LRCH1: variants seen among roughly 807,000 people sequenced by gnomAD.
LRCH1 encodes the protein leucine-rich repeat and calponin homology domain-containing protein 1.
LRCH1 carries 23 observed loss-of-function variants against 94.9 expected under a neutral mutation model. The observed-to-expected ratio is 0.24, with a 90% confidence interval of 0.17 to 0.34. LRCH1 has a LOEUF of 0.34. Among genes scored for constraint, LRCH1 ranks in the 10% least tolerant of loss-of-function variants. The pLI is 1.00. For synonymous variants in LRCH1, 364 were observed against 354.9 expected, an observed-to-expected ratio of 1.03 and a Z score of -0.29; for missense variants, 790 against 945.9, an observed-to-expected ratio of 0.84 and a Z score of 2.16.
chr13:46,603,473 C>T (rs918629059), intron 1 of LRCH1, among the ~76,000 whole-genome samples: 4 of 152,128 alleles, frequency 2.6e-5, no homozygotes, highest in Non-Finnish European at 5.9e-5. Flanking sequence ...GGGAGGATTC[C>T]TATGTGTCAC....
intron 1 of LRCH1, among the ~76,000 whole-genome samples, chr13:46,565,500 T>C (rs1352215385): frequency 6.6e-6 from 1 of 151,854 alleles, no homozygotes; most frequent in Non-Finnish European, 1.5e-5. Flanking sequence ...AATTCAACGG[T>C]GTTCTTAGGT....
intron 3 of LRCH1, among the ~76,000 whole-genome samples, chr13:46,670,743 T>C (rs1184874450): frequency 4.2e-5 from 6 of 143,972 alleles, no homozygotes; most frequent in Non-Finnish European, 7.5e-5. Flanking sequence ...CTTCGGGTTG[T>C]GAGAGGTTTG....
At chr13:46,579,160 C>G (rs2050337312) in intron 1 of LRCH1, among the ~76,000 whole-genome samples, 1 of 152,122 alleles carries the variant, frequency 6.6e-6, no homozygotes, top group African/African-American at 2.4e-5. Flanking sequence ...GAACCCTGGT[C>G]CAGTCCCTCG....
At chr13:46,579,545 G>A (rs2050342513) in intron 1 of LRCH1, among the ~76,000 whole-genome samples, 1 of 151,192 alleles carries the variant, frequency 6.6e-6, no homozygotes, top group Non-Finnish European at 1.5e-5. Context: ...GACTTCTTCA[G>A]CTGAATTGAG....
chr13:46,613,054 T>C (rs1259808391), intron 1 of LRCH1, among the ~76,000 whole-genome samples: 1 of 152,230 alleles, frequency 6.6e-6, no homozygotes, highest in Non-Finnish European at 1.5e-5. Context: ...TTATTTCAGA[T>C]CACCGTAACA....
At chr13:46,612,218 A>G (rs968078508) in intron 1 of LRCH1, among the ~76,000 whole-genome samples, 1 of 152,168 alleles carries the variant, frequency 6.6e-6, no homozygotes, top group Non-Finnish European at 1.5e-5. Flanking sequence ...ACTTAAAATT[A>G]AATATATATA....
At chr13:46,563,428 G>C (rs886088996) in intron 1 of LRCH1, among the ~76,000 whole-genome samples, 2 of 152,010 alleles carry the variant, frequency 1.3e-5, no homozygotes, top group African/African-American at 4.8e-5. Context: ...TCTTGGCCTT[G>C]TTGCTTATAA....
chr13:46,722,019 G>A (rs780989118), intron 16 of LRCH1, among the ~76,000 whole-genome samples: 3 of 152,182 alleles, frequency 2.0e-5, no homozygotes, highest in Non-Finnish European at 4.4e-5. Context: ...TCAAGTCTTT[G>A]TATCCAAAGT....
At chr13:46,751,855 A>T (rs1874155143) in exon 19 of LRCH1, 1 of 152,256 alleles carries the variant, frequency 6.6e-6, no homozygotes, top group African/African-American at 2.4e-5. Context: ...AGCACTTCTT[A>T]CAACTGCCAG....
chr13:46,637,486 C>T (rs2051106155), intron 1 of LRCH1, among the ~76,000 whole-genome samples: 1 of 152,188 alleles, frequency 6.6e-6, no homozygotes, highest in African/African-American at 2.4e-5. Flanking sequence ...CACCCTTGTC[C>T]CCTCGCTGGA....
In LRCH1 at chr13:46,733,973, C is replaced by T. The variant is rs773967490; in HGVS notation, c.2060C>T (p.Ala687Val). The T allele has an allele frequency of 3.7e-6, 6 of 1,602,138 alleles. No individual in the cohort carries two copies. Among genetic ancestry groups the T allele is most frequent in the East Asian group, 2.2e-5 (1 of 44,462 alleles). Reference sequence around the variant, plus strand: ...AGAAATGTGGAAAACTTTTTGGAAGCATGCCGAAAATTAGGAGTACCAGAG... The same window carrying T: ...AGAAATGTGGAAAACTTTTTGGAAGTATGCCGAAAATTAGGAGTACCAGAG... ...CRRNVENFLEACRKLGVPEAD... is the reference protein window; with the variant it reads ...CRRNVENFLEVCRKLGVPEAD... Residue 687 changes from alanine to valine, a missense_variant, in exon 19 of 20, where the codon GCA (alanine) becomes GTA (valine). By Grantham distance (64) the Ala-to-Val change is moderately conservative (BLOSUM62 0). Around this residue, in one of 3 missense-constraint regions of LRCH1, gnomAD observed 460 missense variants for 508.9 expected, o/e 0.90. Coordinates refer to ENST00000389797, the MANE Select transcript of LRCH1 (RefSeq NM_001164211.2).
chr13:46,607,342 CTT>C (rs780419791), intron 1 of LRCH1, among the ~76,000 whole-genome samples: 8 of 152,182 alleles, frequency 5.3e-5, no homozygotes, highest in Non-Finnish European at 1.0e-4. Context: ...GAAGGGGTCT[CTT>C]TTGTGAGTAC....
downstream of LRCH1, among the ~76,000 whole-genome samples, chr13:46,745,492 G>A (rs1282999034): frequency 2.6e-5 from 4 of 152,052 alleles, no homozygotes; most frequent in East Asian, 1.9e-4. Context: ...GTGGAGTGGG[G>A]AGGGGAGAGG....
chr13:46,638,936 A>G (rs984389321), intron 1 of LRCH1, among the ~76,000 whole-genome samples: 1 of 152,226 alleles, frequency 6.6e-6, no homozygotes, highest in Admixed American at 6.5e-5. Context: ...GTATATAATA[A>G]AAGAAAATCT....
At chr13:46,594,484 C>A (rs1183645779) in intron 1 of LRCH1, among the ~76,000 whole-genome samples, 1 of 152,028 alleles carries the variant, frequency 6.6e-6, no homozygotes, top group Non-Finnish European at 1.5e-5. Context: ...TGTCTCCCTG[C>A]AGAAGCAAAG....
chr13:46,687,312 C>T (rs1870672122), intron 5 of LRCH1, among the ~76,000 whole-genome samples: 1 of 152,194 alleles, frequency 6.6e-6, no homozygotes, highest in Non-Finnish European at 1.5e-5. Context: ...CACCTTAAAA[C>T]ATGGTTATTG....
chr13:46,664,479 G>T (rs2051489586), intron 2 of LRCH1, among the ~76,000 whole-genome samples: 1 of 152,160 alleles, frequency 6.6e-6, no homozygotes, highest in South Asian at 2.1e-4. Context: ...ACAGTAACGT[G>T]TTGTACAGGT....
At chr13:46,710,024 C>G (rs1178053670) in intron 13 of LRCH1, among the ~76,000 whole-genome samples, 3 of 152,140 alleles carry the variant, frequency 2.0e-5, no homozygotes, top group Non-Finnish European at 4.4e-5. Flanking sequence ...TTCAGCATAG[C>G]CCTATATTAA....
At chr13:46,559,889 G>C (rs1269108451) in intron 1 of LRCH1, among the ~76,000 whole-genome samples, 1 of 151,848 alleles carries the variant, frequency 6.6e-6, no homozygotes, top group Non-Finnish European at 1.5e-5. Flanking sequence ...TTTTTTTTGT[G>C]TGCGTGTGTT....
Sources: allele counts gnomAD v4.1 joint callset (sites outside exome capture counted in the v4.1 genomes callset), GRCh38; gene constraint gnomAD v4.1.1; regional missense constraint gnomAD v4.1.1; transcripts MANE v1.5; gene names NCBI Gene and HGNC (gene_info 2026-07-23, HGNC 2026-07-21).